Variants in THBS4 observed in about 807,000 individuals in gnomAD.
The protein encoded by THBS4 is thrombospondin-4.
A neutral mutation model predicts 115.7 loss-of-function variants in THBS4; 90 were observed. That is an observed-to-expected ratio of 0.78 (90% CI 0.66 to 0.93). The LOEUF is 0.93. THBS4 is among the 40% of genes least tolerant of loss of function. THBS4 has a pLI of 0.00. For synonymous variants in THBS4, 460 were observed against 479.3 expected (o/e 0.96, Z 0.53); for missense variants, 1,087 against 1,232.7 (o/e 0.88, Z 1.77).
At chr5:79,993,027 A>G (rs1269546141) in intron 1 of THBS4, among the ~76,000 whole-genome samples, 1 of 152,240 alleles carries the variant, frequency 6.6e-6, no homozygotes, top group African/African-American at 2.4e-5. Flanking sequence ...AAACAATCAT[A>G]CAGAAAGAAT....
At chr5:80,072,254 C>T (rs368668252) in intron 13 of THBS4, 24 bp from the exon 14 acceptor site, 22 of 1,603,880 alleles carry the variant, frequency 1.4e-5, no homozygotes, top group East Asian at 8.9e-5. Flanking sequence ...TCCCCTGACT[C>T]AAGGTAGCAT....
At chr5:80,032,712 G>A (rs1200665830), upstream of THBS4, among the ~76,000 whole-genome samples, 2 of 152,174 alleles carry the variant, frequency 1.3e-5, no homozygotes, top group Non-Finnish European at 2.9e-5. Context: ...GCCAGAAGAC[G>A]CAGCAAGTCT....
At chr5:80,074,100 G>GCC (rs1743066018) in intron 15 of THBS4, among the ~76,000 whole-genome samples, 1 of 152,146 alleles carries the variant, frequency 6.6e-6, no homozygotes, top group Non-Finnish European at 1.5e-5. Context: ...TATGGTTTCT[G>GCC]TTATATACAT....
chr5:80,021,633 A>C (rs1390379693), intron 2 of THBS4, among the ~76,000 whole-genome samples: 1 of 152,080 alleles, frequency 6.6e-6, no homozygotes, highest in Admixed American at 6.6e-5. Flanking sequence ...CAGCCTCTAC[A>C]TGCGCCACTA....
intron 20 of THBS4, among the ~76,000 whole-genome samples, chr5:80,080,541 C>G (rs1405743875): frequency 1.4e-5 from 2 of 147,322 alleles, no homozygotes; most frequent in Non-Finnish European, 3.0e-5. Context: ...TCTGTCTTCC[C>G]TGCTGGATCA....
intron 2 of THBS4, among the ~76,000 whole-genome samples, chr5:80,042,364 T>C (rs1303021178): frequency 2.0e-5 from 3 of 152,358 alleles, no homozygotes; most frequent in Admixed American, 2.0e-4. Flanking sequence ...AACCTGTCTA[T>C]TTCAGAGGCA....
intron 9 of THBS4, chr5:80,067,760 T>C: frequency 1.9e-6 from 1 of 516,018 alleles, no homozygotes; most frequent in Non-Finnish European, 3.4e-6. Flanking sequence ...ATTCCTTCTT[T>C]GTCTGAGTGG....
chr5:80,045,123 T>C (rs1001950464), intron 2 of THBS4, among the ~76,000 whole-genome samples: 4 of 152,218 alleles, frequency 2.6e-5, no homozygotes, highest in Admixed American at 6.5e-5. Flanking sequence ...AATAAAATTT[T>C]CATACTCTTA....
chr5:80,004,636 A>G (rs1166318740), intron 2 of THBS4, among the ~76,000 whole-genome samples: 1 of 152,234 alleles, frequency 6.6e-6, no homozygotes, highest in African/African-American at 2.4e-5. Flanking sequence ...TTATTATTCT[A>G]AATTTTAAAT....
At chr5:80,023,627 G>C (rs1052244875) in intron 2 of THBS4, among the ~76,000 whole-genome samples, 1 of 152,194 alleles carries the variant, frequency 6.6e-6, no homozygotes, top group African/African-American at 2.4e-5. Context: ...ATTTAGTGTT[G>C]CTGTAACAGA....
intron 2 of THBS4, among the ~76,000 whole-genome samples, chr5:80,028,746 ACCATGCCCGGC>A (rs1356217430): frequency 2.0e-5 from 3 of 152,160 alleles, no homozygotes; most frequent in Non-Finnish European, 4.4e-5. Context: ...GGCGTGAGCT[ACCATGCCCGGC>A]CCACAAAACC....
At chr5:80,082,283 GA>G in intron 20 of THBS4, 122 bp from the exon 21 acceptor site, 1 of 1,341,482 alleles carries the variant, frequency 7.5e-7, no homozygotes, top group East Asian at 2.3e-5. Flanking sequence ...GCGAAAAATG[GA>G]GCCTAAAACA....
At chr5:80,045,349 T>G (rs1580941149) in intron 2 of THBS4, among the ~76,000 whole-genome samples, 1 of 152,124 alleles carries the variant, frequency 6.6e-6, no homozygotes, top group East Asian at 1.9e-4. Flanking sequence ...AGAGTGTCAG[T>G]GAAACTCCTT....
rs771933835 is a variant in THBS4, at chr5:80,078,096, G to A, written c.2134G>A (p.Val712Ile). The A allele has an allele frequency of 3.7e-6, 6 of 1,609,906 alleles. No individual in the cohort carries two copies. In the South Asian group the frequency reaches 5.5e-5, roughly 15 times the overall value. ...TGAGTCTGACTTTGACCAGGACCAG[G>A]TCATCGATCGGATCGACGTCTGCCC... ...ICESDFDQDQ[V>I]IDRIDVCPEN... is the part of the protein sequence containing the mutation. The change falls in exon 17 of 22, where the codon GTC becomes ATC. Residue 712 changes from valine (V) to isoleucine (I), a missense_variant. Physicochemically the swap from Val to Ile is conservative, Grantham distance 29 (BLOSUM62 3). Coordinates refer to ENST00000350881, the MANE Select transcript of THBS4 (RefSeq NM_003248.6).
rs114176542 is a variant in THBS4 at position 80,001,601 on chromosome 5, A to G, written n.177+3174A>G. ...GAGGGCTTGGGGATGAAACAGTGTC[A>G]GTGAAGCACTCCTGGAGGAGGTGTA... On this transcript the variant is annotated intron_variant and non_coding_transcript_variant, in intron 2 of 3. Coordinates refer to the THBS4 transcript ENST00000510218. Among the ~76,000 whole-genome samples the G allele has an allele frequency of 5.9e-3, 901 of 152,364 alleles. 9 individuals are homozygous for G. Among genetic ancestry groups the G allele is most frequent in the African/African-American group, 0.021 (853 of 41,584 alleles).
chr5:80,042,680 T>C (rs895279986), intron 2 of THBS4, among the ~76,000 whole-genome samples: 1 of 152,152 alleles, frequency 6.6e-6, no homozygotes, highest in Non-Finnish European at 1.5e-5. Flanking sequence ...CAGCTGTAAA[T>C]ACCAGTTGAT....
At chr5:80,013,706 TA>T (rs1225839321) in intron 2 of THBS4, among the ~76,000 whole-genome samples, 1 of 152,160 alleles carries the variant, frequency 6.6e-6, no homozygotes, top group Non-Finnish European at 1.5e-5. Context: ...CTCTACCATT[TA>T]TTAGGTTTGT....
At chr5:80,043,640 A>C (rs912961211) in intron 2 of THBS4, among the ~76,000 whole-genome samples, 1 of 152,210 alleles carries the variant, frequency 6.6e-6, no homozygotes, top group African/African-American at 2.4e-5. Flanking sequence ...AAAGAGCAGA[A>C]TTTGGTCATC....
At chr5:80,025,174 G>T (rs978656858) in intron 2 of THBS4, among the ~76,000 whole-genome samples, 4 of 152,100 alleles carry the variant, frequency 2.6e-5, no homozygotes, top group African/African-American at 9.7e-5. Flanking sequence ...GGGTTTCTAG[G>T]CAGTAAAAAC....
Sources: allele counts gnomAD v4.1 joint callset (sites outside exome capture counted in the v4.1 genomes callset), GRCh38; gene constraint gnomAD v4.1.1; transcripts MANE v1.5; gene names NCBI Gene and HGNC (gene_info 2026-07-23, HGNC 2026-07-21).